GLDC: variants seen among roughly 807,000 people sequenced by gnomAD.
GLDC encodes the protein glycine dehydrogenase (decarboxylating), mitochondrial.
GLDC carries 104 observed loss-of-function variants against 121.3 expected under a neutral mutation model. The ratio of observed to expected loss-of-function variants is 0.86; its 90% CI spans 0.73 to 1.01. The LOEUF is 1.01. Among genes scored for constraint, GLDC ranks in the 50% least tolerant of loss-of-function variants. The probability of loss-of-function intolerance (pLI) is 0.00; values close to 1 mark genes in which losing one functional copy is unlikely to be tolerated. For synonymous variants in GLDC, 546 were observed against 480.6 expected, an observed-to-expected ratio of 1.14 and a Z score of -1.78; for missense variants, 1,429 against 1,306.6, an observed-to-expected ratio of 1.09 and a Z score of -1.44.
chr9:6,613,720 T>C (rs113393945), intron 3 of GLDC, among the ~76,000 whole-genome samples: 2,001 of 152,356 alleles, frequency 0.013, 33 homozygotes, highest in African/African-American at 0.045. Context: ...TTTATCTTTG[T>C]CTAAGGATAC....
intron 15 of GLDC, among the ~76,000 whole-genome samples, chr9:6,586,185 C>A (rs768990007): frequency 2.6e-5 from 4 of 152,068 alleles, no homozygotes; most frequent in Admixed American, 2.0e-4. Context: ...ATCCCAGCTA[C>A]TCGGGAGGCT....
chr9:6,644,945 A>AG (rs1297190397), intron 1 of GLDC: 1 of 606,920 alleles, frequency 1.6e-6, no homozygotes, highest in African/African-American at 2.0e-5. Flanking sequence ...ACTCTTAATC[A>AG]GGGGGTCTTC....
At chr9:6,569,746 C>A (rs770607642) in intron 15 of GLDC, among the ~76,000 whole-genome samples, 1 of 151,854 alleles carries the variant, frequency 6.6e-6, no homozygotes. Flanking sequence ...GAGGCCGAGG[C>A]GAGCGGATTA....
At chr9:6,566,584 C>G (rs1817859219) in intron 15 of GLDC, 1 of 152,136 alleles carries the variant, frequency 6.6e-6, no homozygotes, top group Non-Finnish European at 1.5e-5. Flanking sequence ...TGGAAGGCAC[C>G]ACTTTCAGGG....
intron 7 of GLDC, among the ~76,000 whole-genome samples, chr9:6,603,099 G>T (rs920806134): frequency 6.6e-6 from 1 of 151,820 alleles, no homozygotes; most frequent in Non-Finnish European, 1.5e-5. Context: ...ATGGTGACAG[G>T]CACCTGTAAT....
chr9:6,629,958 T>TATATATATATATG, intron 2 of GLDC, among the ~76,000 whole-genome samples: 7 of 78,644 alleles, frequency 8.9e-5, no homozygotes, highest in South Asian at 4.3e-4. Flanking sequence ...TATATATATA[T>TATATATATATATG]TTTTTTTTTT....
intron 2 of GLDC, chr9:6,639,138 A>G (rs1199333311): frequency 4.0e-6 from 3 of 743,524 alleles, no homozygotes; most frequent in Non-Finnish European, 7.3e-6. Flanking sequence ...GCTTTTTCAC[A>G]AGATGGCGCC....
At chr9:6,558,800 A>G (rs1423566021) in intron 16 of GLDC, 116 bp from the exon 17 acceptor site, 1 of 1,066,036 alleles carries the variant, frequency 9.4e-7, no homozygotes. Flanking sequence ...GTTTTTATTT[A>G]GGCTGAACAC....
chr9:6,550,790 A>C lies in GLDC; in HGVS notation c.2569+13T>G. On this transcript the variant is annotated intron_variant, in intron 21 of 24. Transcript: ENST00000321612. ...AAAAACCAAAGTAATGATAGATTAA[A>C]GTTGATACTTGCCTCTTGCACCCCT... is the stretch of plus-strand genomic sequence containing the variant. The C allele has an allele frequency of 6.5e-7, 1 of 1,548,356 alleles. No homozygotes were observed. The highest frequency in any genetic ancestry group is 8.9e-7 in the Non-Finnish European group (1 of 1,119,970).
intron 2 of GLDC, among the ~76,000 whole-genome samples, chr9:6,636,422 T>A (rs1485978370): frequency 6.6e-6 from 1 of 152,012 alleles, no homozygotes; most frequent in East Asian, 1.9e-4. Context: ...AGGCAGTGGG[T>A]TTAATGGGAA....
intron 17 of GLDC, 69 bp downstream of exon 17, chr9:6,558,490 T>A (rs1817680912): frequency 9.0e-6 from 14 of 1,550,040 alleles, no homozygotes; most frequent in Admixed American, 1.7e-5. Context: ...ACATAATCCA[T>A]CAAGTCCCTG....
chr9:6,604,981 A>T (rs1818700176), intron 6 of GLDC, 150 bp downstream of exon 6: 7 of 931,042 alleles, frequency 7.5e-6, no homozygotes, highest in Non-Finnish European at 1.2e-5. Flanking sequence ...AGAAAAAAGT[A>T]GCAGCAAGGA....
intron 2 of GLDC, among the ~76,000 whole-genome samples, chr9:6,627,170 C>T (rs1819260991): frequency 6.6e-6 from 1 of 151,724 alleles, no homozygotes; most frequent in Non-Finnish European, 1.5e-5. Flanking sequence ...TTGGCGGGCA[C>T]CTGTAGTCCC....
At chr9:6,544,086 G>A (rs183373390) in intron 21 of GLDC, among the ~76,000 whole-genome samples, 5 of 152,326 alleles carry the variant, frequency 3.3e-5, no homozygotes, top group East Asian at 1.9e-4. Context: ...GGCGGCTGCT[G>A]AGGAATAAAT....
chr9:6,554,940 T>C lies in GLDC; in HGVS notation c.2203-159A>G, dbSNP rs907708315. 35 of 687,412 alleles carry C rather than the reference T, an allele frequency of 5.1e-5. 1 individual carries two copies. The highest frequency in any genetic ancestry group is 6.4e-4 in the Middle Eastern group (2 of 3,118). 42.6% of individuals were successfully genotyped at this position (687,412 alleles called of 1,614,324 possible). A position where few individuals can be genotyped will look rare whatever the true frequency, so the allele number is the denominator to read the frequency against. ...AGAAATGTCCTCTATACTGGCCCAGTTCCGTAGTCACAAACTGGCATCCGA... is the reference window on the plus strand; with the variant it reads ...AGAAATGTCCTCTATACTGGCCCAGCTCCGTAGTCACAAACTGGCATCCGA... On this transcript the variant is annotated intron_variant, in intron 18 of 24. Transcript: ENST00000321612.
intron 16 of GLDC, among the ~76,000 whole-genome samples, chr9:6,560,170 A>T (rs1187947558): frequency 6.6e-6 from 1 of 152,242 alleles, no homozygotes; most frequent in Non-Finnish European, 1.5e-5. Context: ...GGTTTTCCCC[A>T]ACAAAAAGCA....
intron 2 of GLDC, among the ~76,000 whole-genome samples, chr9:6,622,292 GC>G (rs961714298): frequency 6.6e-6 from 1 of 151,780 alleles, no homozygotes; most frequent in Admixed American, 6.6e-5. Context: ...CTTTCCACGG[GC>G]CGAAGCTGGA....
intron 21 of GLDC, among the ~76,000 whole-genome samples, chr9:6,543,212 C>T (rs1817308273): frequency 6.6e-6 from 1 of 152,058 alleles, no homozygotes; most frequent in East Asian, 1.9e-4. Context: ...GAGGTTGAGG[C>T]TGCAATGAGC....
At chr9:6,572,408 G>A (rs747473366) in intron 15 of GLDC, among the ~76,000 whole-genome samples, 2 of 152,210 alleles carry the variant, frequency 1.3e-5, no homozygotes, top group East Asian at 1.9e-4. Context: ...CATTGGTGCT[G>A]AGTTTAGAGG....
Sources: gnomAD v4.1 joint callset for allele counts (sites outside exome capture counted in the v4.1 genomes callset) on GRCh38, gnomAD v4.1.1 for gene constraint, MANE v1.5 for transcripts, NCBI Gene and HGNC (gene_info 2026-07-23, HGNC 2026-07-21) for gene names.